The following LRP1 variants were observed in gnomAD, a reference collection of about 807,000 sequenced individuals.
LRP1 encodes LDL receptor related protein 1, also known as prolow-density lipoprotein receptor-related protein 1.
Under a neutral mutation model 541.5 loss-of-function variants are expected in LRP1, and 51 were observed. The observed-to-expected ratio is 0.09, with a 90% confidence interval of 0.08 to 0.12. The LOEUF (loss-of-function observed/expected upper bound fraction) is 0.12. Among genes scored for constraint, LRP1 ranks in the 10% least tolerant of loss-of-function variants. The pLI, the probability that LRP1 is intolerant of heterozygous loss-of-function variation, is 1.00. For missense variants in LRP1, 3,878 were observed against 6,376.2 expected, an observed-to-expected ratio of 0.61 and a Z score of 13.34; for synonymous variants, 2,219 against 2,470.8, an observed-to-expected ratio of 0.90 and a Z score of 3.02.
In LRP1 at chr12:57,195,511, G is replaced by A. The variant is rs1009065260; in HGVS notation, c.8437+112G>A. On this transcript the variant is annotated intron_variant, in intron 52 of 88. Coordinates refer to ENST00000243077, the MANE Select transcript of LRP1 (RefSeq NM_002332.3). ...AAATGCCTCAGCGGGGTCCACTGGG[G>A]GCGGAGCCATAGCTGTAGCCCAGGT... 1.8e-5 allele frequency: 29 copies of A among 1,570,480 alleles called. No individual in the cohort carries two copies. The African/African-American group carries it at 3.6e-4, about 20-fold the overall frequency.
chr12:57,196,962 A>G lies in LRP1; in HGVS notation c.8893-20A>G, dbSNP rs917075819. The G allele has an allele frequency of 6.3e-7, 1 of 1,598,830 alleles. No homozygotes were observed. ...CCAGACCCTGCCACATGCCCAGCCCAAGGCTCCCTGTGCCTGCAGTGCCGC... is the reference window on the plus strand; with the variant it reads ...CCAGACCCTGCCACATGCCCAGCCCGAGGCTCCCTGTGCCTGCAGTGCCGC... On this transcript the variant is annotated intron_variant, in intron 55 of 88. Coordinates refer to ENST00000243077, the MANE Select transcript of LRP1 (RefSeq NM_002332.3).
At chr12:57,202,596 C>A (rs997913740) in intron 68 of LRP1, 59 bp downstream of exon 68, 3 of 1,341,052 alleles carry the variant, frequency 2.2e-6, no homozygotes, top group East Asian at 2.8e-5. Flanking sequence ...CCTTGTCTCG[C>A]GGCCCTCCTG....
intron 76 of LRP1, among the ~76,000 whole-genome samples, chr12:57,207,518 G>A (rs1219212645): frequency 1.5e-5 from 2 of 130,530 alleles, no homozygotes; most frequent in Admixed American, 1.6e-4. Context: ...ATGATAGAGC[G>A]AGACTCCGTC....
Position 57,193,176 on chromosome 12 carries a change from C to T in LRP1, c.7556C>T (p.Ala2519Val), listed in dbSNP as rs772226382. Residue 2519 changes from alanine to valine, a missense_variant and splice_region_variant, in exon 46 of 89, where the codon GCG becomes GTG. Transcript: ENST00000243077. ...AAGCTCCCTCCACCTCCCTCCCCAG[C>T]GGTGAATTCCTCTTGCCGAGCACAA... ...RILQDDLTCR[A>V]VNSSCRAQDE... The T allele has an allele frequency of 8.7e-6, 14 of 1,613,760 alleles. No homozygotes were observed. The highest frequency in any genetic ancestry group is 5.3e-5 in the African/African-American group (4 of 74,930).
chr12:57,195,089 G>C lies in LRP1; in HGVS notation c.8296G>C (p.Ala2766Pro). Reference protein sequence around the residue: ...SDDCGDGSDEAAHCEGKTCGP... With the variant: ...SDDCGDGSDEPAHCEGKTCGP... Reference sequence around the variant, plus strand: ...TGACTGTGGGGATGGCTCAGACGAGGCTGCTCACTGTGGTAAGGAAGCTGG... The same window carrying C: ...TGACTGTGGGGATGGCTCAGACGAGCCTGCTCACTGTGGTAAGGAAGCTGG... Residue 2766 changes from alanine to proline, a missense_variant, in exon 51 of 89, where the codon GCT (alanine) becomes CCT (proline). Coordinates refer to ENST00000243077, the MANE Select transcript of LRP1 (RefSeq NM_002332.3). 1.2e-6 allele frequency: 2 copies of C among 1,613,626 alleles called. No homozygotes were observed. Among genetic ancestry groups the C allele is most frequent in the South Asian group, 2.2e-5 (2 of 91,086 alleles).
At chr12:57,149,185 G>A (rs1239479512) in intron 6 of LRP1, 1 of 442,130 alleles carries the variant, frequency 2.3e-6, no homozygotes, top group African/African-American at 2.0e-5. Context: ...CTTCACATGT[G>A]AAAGCTAACC....
At position 57,185,135 on chromosome 12, in the gene LRP1, C is replaced by T. The variant is rs532352351; in HGVS notation, c.6393C>T (p.Ser2131=). The change falls in exon 40 of 89, where the codon TCC becomes TCT. Residue 2131 remains serine, a synonymous_variant. Transcript: ENST00000243077. The surrounding 1 kb of genome is among the most constrained non-coding windows in gnomAD (Gnocchi z 4.9). ...KRGSKDNATD[S]VPLRTGIGVQ... ...GGAGCAAAGACAATGCCACAGACTC[C>T]GTGCCCCTGCGAACCGGCATCGGCG... is the stretch of plus-strand genomic sequence containing the variant. 11 of 1,614,148 alleles carry T rather than the reference C, an allele frequency of 6.8e-6. No individual in the cohort carries two copies. The highest frequency in any genetic ancestry group is 4.5e-5 in the East Asian group (2 of 44,880).
chr12:57,208,662 C>G, intron 77 of LRP1, 49 bp from the exon 78 acceptor site: 1 of 1,234,346 alleles, frequency 8.1e-7, no homozygotes. Context: ...CTGGGCCTGC[C>G]TCCTCTGGCC....
chr12:57,194,877 C>CA, intron 50 of LRP1, 108 bp from the exon 51 acceptor site: 3 of 1,169,986 alleles, frequency 2.6e-6, no homozygotes, highest in Non-Finnish European at 3.8e-6. Context: ...TGAGCCCCCC[C>CA]ACAGAGGGGT....
intron 6 of LRP1, chr12:57,148,959 TTTTA>T (rs1308798725): frequency 1.6e-5 from 10 of 606,594 alleles, no homozygotes; most frequent in Non-Finnish European, 2.1e-5. Context: ...TCTCCCTTTC[TTTTA>T]TTTATTTATT....
chr12:57,191,989 ACACATAGGACACACATACACATG>A (rs2036417009), intron 44 of LRP1, among the ~76,000 whole-genome samples: 3 of 28,142 alleles, frequency 1.1e-4, no homozygotes, highest in African/African-American at 4.1e-4. Context: ...CATACACACC[ACACATAGGACACACATACACATG>A]CCACACACCT....
rs774873018 is a variant in LRP1 at position 57,154,310 on chromosome 12, T to C, written c.944T>C (p.Val315Ala). Residue 315 changes from valine (V) to alanine (A), a missense_variant, in exon 7 of 89, where the codon GTC becomes GCC. By Grantham distance (64) the Val-to-Ala change is moderately conservative. Around this residue, in one of 13 missense-constraint regions of LRP1, gnomAD observed 496 missense variants for 861.0 expected, o/e 0.58. Transcript: ENST00000243077. This position sits in a 1 kb window ranked among gnomAD's most constrained non-coding sequence, Gnocchi z 4.6. The part of the protein sequence containing the change: ...FVCNRNGDTC[V>A]TLLDLELYNP... Reference sequence around the variant, plus strand: ...TGCAACAGAAATGGGGACACATGTGTCACATTGCTAGACCTGGAACTCTAC... The same window carrying C: ...TGCAACAGAAATGGGGACACATGTGCCACATTGCTAGACCTGGAACTCTAC... 2.5e-6 allele frequency: 4 copies of C among 1,614,014 alleles called. No homozygotes were observed. The Admixed American group carries it at 6.7e-5, about 27-fold the overall frequency.
rs751658713 is a variant in LRP1, at chr12:57,205,495, C to T, written c.11470+10C>T. 3.7e-6 allele frequency: 6 copies of T among 1,610,562 alleles called. No individual in the cohort carries two copies. The highest frequency in any genetic ancestry group is 1.7e-5 in the Admixed American group (1 of 59,924). ...CAGCCCGGATGCCAAGGTAGGAAAGCGGGGCAGAGCAGGGGTGGACACCCC... is the reference window on the plus strand; with the variant it reads ...CAGCCCGGATGCCAAGGTAGGAAAGTGGGGCAGAGCAGGGGTGGACACCCC... On this transcript the variant is annotated intron_variant, in intron 74 of 88. Transcript: ENST00000243077. This position sits in a 1 kb window ranked among gnomAD's most constrained non-coding sequence, Gnocchi z 4.6.
In LRP1 at chr12:57,184,148, T is replaced by C; in HGVS notation, c.5993T>C (p.Phe1998Ser). Reference protein sequence around the residue: ...VIEVARLNGSFRYVVISQGLD... With the variant: ...VIEVARLNGSSRYVVISQGLD... ...GAGGTCGCCCGGCTCAATGGCTCCT[T>C]CCGCTACGTGGTGATCTCCCAGGGT... The change falls in exon 37 of 89, where the codon TTC (phenylalanine) becomes TCC (serine). Residue 1998 changes from phenylalanine to serine, a missense_variant. This residue lies in a region of LRP1 where 394 missense variants were observed against 635.9 expected (regional missense o/e 0.62). Transcript: ENST00000243077. The surrounding 1 kb of genome is among the most constrained non-coding windows in gnomAD (Gnocchi z 7.8). 6.2e-7 allele frequency: 1 copy of C among 1,614,060 alleles called. No homozygotes were observed. Among genetic ancestry groups the C allele is most frequent in the Non-Finnish European group, 8.5e-7 (1 of 1,179,984 alleles).
chr12:57,191,918 ACACT>A (rs1207893321), intron 44 of LRP1, among the ~76,000 whole-genome samples: 22 of 686 alleles, frequency 0.032, no homozygotes, highest in South Asian at 0.11. Flanking sequence ...ACCACCACAC[ACACT>A]ACACATACCA....
chr12:57,154,531 A>T lies in LRP1; in HGVS notation c.1057A>T (p.Met353Leu). The T allele has an allele frequency of 6.2e-7, 1 of 1,614,234 alleles. No individual in the cohort carries two copies. Among genetic ancestry groups the T allele is most frequent in the Non-Finnish European group, 8.5e-7 (1 of 1,180,036 alleles). ...GQIPKVERCD[M>L]DGQNRTKLVD... The stretch of plus-strand genomic sequence containing the variant: ...GATCCCAAAGGTGGAACGCTGTGAC[A>T]TGGATGGGCAGAACCGCACCAAGCT... Residue 353 changes from methionine (M) to leucine (L), a missense_variant, in exon 8 of 89, where the codon ATG (methionine) becomes TTG (leucine). By Grantham distance (15) the Met-to-Leu change is conservative. Transcript: ENST00000243077. This position sits in a 1 kb window ranked among gnomAD's most constrained non-coding sequence, Gnocchi z 4.6.
At position 57,187,298 on chromosome 12, in the gene LRP1, C is replaced by T. The variant is rs1384437974; in HGVS notation, c.6873C>T (p.His2291=). Residue 2291 remains histidine, a synonymous_variant, in exon 42 of 89, where the codon CAC becomes CAT. Coordinates refer to ENST00000243077, the MANE Select transcript of LRP1 (RefSeq NM_002332.3). ...NVGSVEGLAY[H]RGWDTLYWTS... Reference sequence around the variant, plus strand: ...GCTCCGTGGAAGGCCTGGCCTATCACCGTGGCTGGGACACTCTCTATTGGA... The same window carrying T: ...GCTCCGTGGAAGGCCTGGCCTATCATCGTGGCTGGGACACTCTCTATTGGA... The T allele has an allele frequency of 1.2e-6, 2 of 1,614,058 alleles. No homozygotes were observed. The highest frequency in any genetic ancestry group is 1.7e-6 in the Non-Finnish European group (2 of 1,179,934).
At position 57,177,391 on chromosome 12, in the gene LRP1, T is replaced by C. The variant is rs770906168; in HGVS notation, c.4197-36T>C. On this transcript the variant is annotated intron_variant, in intron 25 of 88. Transcript: ENST00000243077. The surrounding 1 kb of genome is among the most constrained non-coding windows in gnomAD (Gnocchi z 6.8). ...CACCACAGTCGCTCCCTGAGGGCCC[T>C]GACTTTAGCCCTCCTGACCCCTCCC... The C allele has an allele frequency of 5.1e-6, 8 of 1,566,620 alleles. No individual in the cohort carries two copies. In the East Asian group the frequency reaches 1.8e-4, roughly 35 times the overall value.
chr12:57,194,979 C>A lies in LRP1; in HGVS notation c.8192-6C>A. 6.2e-7 allele frequency: 1 copy of A among 1,610,116 alleles called. No homozygotes were observed. The highest frequency in any genetic ancestry group is 8.5e-7 in the Non-Finnish European group (1 of 1,176,492). The stretch of plus-strand genomic sequence containing the variant: ...CCCATCTAACTGTGGCTTCTGACTG[C>A]CCCAGACAAGTTCTGCTCAGAGGCC... On this transcript the variant is annotated splice_polypyrimidine_tract_variant and splice_region_variant and intron_variant, in intron 50 of 88. Transcript: ENST00000243077.
Sources: allele counts gnomAD v4.1 joint callset (sites outside exome capture counted in the v4.1 genomes callset), GRCh38; gene constraint gnomAD v4.1.1; regional missense constraint gnomAD v4.1.1; non-coding constraint Gnocchi (gnomAD v3.1); transcripts MANE v1.5; gene names NCBI Gene and HGNC (gene_info 2026-07-23, HGNC 2026-07-21).